CD180: variants seen among roughly 807,000 people sequenced by gnomAD.
CD180 encodes CD180 molecule.
A neutral mutation model predicts 10.7 loss-of-function variants in CD180; 11 were observed. The observed-to-expected ratio is 1.03, with a 90% CI of 0.65 to 1.70. The LOEUF (loss-of-function observed/expected upper bound fraction) is 1.70. Among genes scored for constraint, CD180 ranks in the 40% most tolerant of loss-of-function variants. The probability of loss-of-function intolerance (pLI) is 0.00; values close to 1 mark genes in which losing one functional copy is unlikely to be tolerated. For missense variants in CD180, 729 were observed against 775.2 expected (o/e 0.94, Z 0.71); for synonymous variants, 286 against 294.6 (o/e 0.97, Z 0.30).
rs981113728 is a variant in CD180 at position 67,184,227 on chromosome 5, A to G, written c.616T>C (p.Phe206Leu). The G allele has an allele frequency of 1.2e-6, 2 of 1,614,054 alleles. No individual in the cohort carries two copies. Among genetic ancestry groups the G allele is most frequent in the African/African-American group, 2.7e-5 (2 of 74,938 alleles). ...LEQAINLSLN[F>L]NGNNVKGIEL... is the part of the protein sequence containing the mutation. ...ATACCTTTAACATTATTGCCATTGAAGTTCAGGCTTAGGTTGATGGCCTGC... is the reference window on the plus strand; with the variant it reads ...ATACCTTTAACATTATTGCCATTGAGGTTCAGGCTTAGGTTGATGGCCTGC... The change falls in exon 3 of 3, where the codon TTC becomes CTC. Residue 206 changes from phenylalanine (F) to leucine (L), a missense_variant. By Grantham distance (22) the Phe-to-Leu change is conservative. Coordinates refer to ENST00000256447, the MANE Select transcript of CD180 (RefSeq NM_005582.3).
intron 1 of CD180, among the ~76,000 whole-genome samples, chr5:67,186,572 G>A (rs1346971623): frequency 6.6e-6 from 1 of 152,112 alleles, no homozygotes; most frequent in Non-Finnish European, 1.5e-5. Flanking sequence ...AATGCACTTG[G>A]TTTTACAGTT....
chr5:67,183,000 C>G lies in CD180; in HGVS notation c.1843G>C (p.Gly615Arg), dbSNP rs1211705030. Residue 615 changes from glycine (G) to arginine (R), a missense_variant, in exon 3 of 3, where the codon GGA becomes CGA. By Grantham distance (125) the Gly-to-Arg change is moderately radical. Transcript: ENST00000256447. ...TTCANPPSLR[G>R]VKLSDVKLSC... ...AGCTTGACATCAGATAGCTTAACTCCCCTTAGAGATGGCGGGTTTGCACAC... is the reference window on the plus strand; with the variant it reads ...AGCTTGACATCAGATAGCTTAACTCGCCTTAGAGATGGCGGGTTTGCACAC... 3 of 1,614,042 alleles carry G rather than the reference C, an allele frequency of 1.9e-6. No homozygotes were observed. Among genetic ancestry groups the G allele is most frequent in the East Asian group, 4.5e-5 (2 of 44,898 alleles).
chr5:67,193,689 A>G (rs1296084262), intron 1 of CD180, among the ~76,000 whole-genome samples: 1 of 152,222 alleles, frequency 6.6e-6, no homozygotes, highest in Non-Finnish European at 1.5e-5. Context: ...TTATCCAAAA[A>G]GGAAAGACTT....
At chr5:67,189,019 T>C (rs925304576) in intron 1 of CD180, among the ~76,000 whole-genome samples, 4 of 152,144 alleles carry the variant, frequency 2.6e-5, no homozygotes, top group African/African-American at 7.2e-5. Context: ...CCAGAGAGAA[T>C]ATGTATGTGC....
intron 1 of CD180, among the ~76,000 whole-genome samples, chr5:67,187,054 G>A (rs1166865924): frequency 6.6e-6 from 1 of 152,210 alleles, no homozygotes; most frequent in East Asian, 1.9e-4. Flanking sequence ...AATTTTGAAT[G>A]AGGACAGTAT....
Position 67,184,444 on chromosome 5 carries a change from G to T in CD180, c.399C>A (p.Ile133=), listed in dbSNP as rs1271263599. 6.2e-7 allele frequency: 1 copy of T among 1,613,996 alleles called. No homozygotes were observed. The highest frequency in any genetic ancestry group is 8.5e-7 in the Non-Finnish European group (1 of 1,180,010). ...ACTCGAGATTGGATATTCCCGTTTG[G>T]ATTAAGAAAAGATGCTTCAGTGACT... ...GPKSLKHLFL[I]QTGISNLEFI... The change falls in exon 3 of 3, where the codon ATC becomes ATA. Residue 133 remains isoleucine, a synonymous_variant. Coordinates refer to ENST00000256447, the MANE Select transcript of CD180 (RefSeq NM_005582.3).
intron 1 of CD180, among the ~76,000 whole-genome samples, chr5:67,193,354 A>G (rs1383787632): frequency 6.6e-6 from 1 of 152,208 alleles, no homozygotes; most frequent in East Asian, 1.9e-4. Context: ...CCAAACCCTT[A>G]AGTCAAAAGC....
In CD180 at chr5:67,182,256, G is replaced by A. The variant is rs2151164564; in HGVS notation, c.*601C>T. 1 of 152,336 alleles carries A rather than the reference G, an allele frequency of 6.6e-6. No homozygotes were observed. Among genetic ancestry groups the A allele is most frequent in the South Asian group, 2.1e-4 (1 of 4,824 alleles). 9.4% of individuals were successfully genotyped at this position (152,336 alleles called of 1,614,324 possible). On this transcript the variant is annotated 3_prime_UTR_variant, in exon 3 of 3. Transcript: ENST00000256447. ...GACCTAAGGATTAAGAAGATTAATGGAGTCGATTTGATACCAAGTTTCATT... is the reference window on the plus strand; with the variant it reads ...GACCTAAGGATTAAGAAGATTAATGAAGTCGATTTGATACCAAGTTTCATT...
At chr5:67,190,451 C>T (rs912844462) in intron 1 of CD180, among the ~76,000 whole-genome samples, 2 of 152,360 alleles carry the variant, frequency 1.3e-5, no homozygotes, top group African/African-American at 4.8e-5. Context: ...CTCGGATCTC[C>T]ACATGACCAT....
Position 67,179,939 on chromosome 5 carries a change from G to T in CD180, c.*2918C>A, listed in dbSNP as rs984122402. 6.6e-6 allele frequency: 1 copy of T among 152,208 alleles called. No individual in the cohort carries two copies. Among genetic ancestry groups the T allele is most frequent in the African/African-American group, 2.4e-5 (1 of 41,444 alleles). The allele number at this position is 152,208 out of a possible 1,614,324, so 9.4% of individuals were successfully genotyped here. ...GTGCAATAATAACACATTTTTATAGGAGTAGCTTGTCAGAGCAGCAACAAC... is the reference window on the plus strand; with the variant it reads ...GTGCAATAATAACACATTTTTATAGTAGTAGCTTGTCAGAGCAGCAACAAC... On this transcript the variant is annotated 3_prime_UTR_variant, in exon 3 of 3. Transcript: ENST00000256447.
In CD180 at chr5:67,181,249, G is replaced by C. The variant is rs1419041309; in HGVS notation, c.*1608C>G. 3 of 152,198 alleles carry C rather than the reference G, an allele frequency of 2.0e-5. No homozygotes were observed. Among genetic ancestry groups the C allele is most frequent in the African/African-American group, 7.2e-5 (3 of 41,448 alleles). 9.4% of individuals were successfully genotyped at this position (152,198 alleles called of 1,614,324 possible). ...ATAATAAAACCAGGTGAGGCATAGA[G>C]GTTGCTTTGGATTAGCTAGGTCAGA... On this transcript the variant is annotated 3_prime_UTR_variant, in exon 3 of 3. Coordinates refer to ENST00000256447, the MANE Select transcript of CD180 (RefSeq NM_005582.3).
Position 67,181,527 on chromosome 5 carries a change from T to G in CD180, c.*1330A>C, listed in dbSNP as rs1338050125. 1 of 152,216 alleles carries G rather than the reference T, an allele frequency of 6.6e-6. No individual in the cohort carries two copies. Among genetic ancestry groups the G allele is most frequent in the African/African-American group, 2.4e-5 (1 of 41,452 alleles). The allele number at this position is 152,216 out of a possible 1,614,324, so 9.4% of individuals were successfully genotyped here. A position where few individuals can be genotyped will look rare whatever the true frequency, so the allele number is the denominator to read the frequency against. On this transcript the variant is annotated 3_prime_UTR_variant, in exon 3 of 3. Coordinates refer to ENST00000256447, the MANE Select transcript of CD180 (RefSeq NM_005582.3). The stretch of plus-strand genomic sequence containing the variant: ...ATGTCCCACTAGTATGCCTTCAACT[T>G]AAGGACTAATATATTCTGATTGGTT...
rs1742070985 is a variant in CD180 at position 67,182,616 on chromosome 5, G to T, written c.*241C>A. On this transcript the variant is annotated 3_prime_UTR_variant, in exon 3 of 3. Transcript: ENST00000256447. ...TCCCACTCTTCCACATGCGGAAAGG[G>T]CTCTGTGCCTCTCACAGCAGCATCT... The T allele has an allele frequency of 8.3e-6, 3 of 363,290 alleles. No homozygotes were observed. Among genetic ancestry groups the T allele is most frequent in the South Asian group, 1.0e-4 (2 of 19,658 alleles). The allele number at this position is 363,290 out of a possible 1,614,324, so 22.5% of individuals were successfully genotyped here.
chr5:67,188,479 C>A (rs5744501), intron 1 of CD180, among the ~76,000 whole-genome samples: 20,652 of 152,128 alleles, frequency 0.14, 2,794 homozygotes, highest in African/African-American at 0.33. Context: ...AGTTCATTCA[C>A]CCTTCCAGCC....
At chr5:67,191,453 CA>C (rs1392120735) in intron 1 of CD180, among the ~76,000 whole-genome samples, 2 of 152,092 alleles carry the variant, frequency 1.3e-5, no homozygotes, top group African/African-American at 4.8e-5. Context: ...GAGTTCCTTT[CA>C]AAAAAGAGCT....
chr5:67,195,934 C>A (rs1742393110), intron 1 of CD180, among the ~76,000 whole-genome samples: 1 of 152,100 alleles, frequency 6.6e-6, no homozygotes. Flanking sequence ...AGACGGAGGC[C>A]CTTCTCCTTT....
chr5:67,192,871 C>G (rs1462773977), intron 1 of CD180, among the ~76,000 whole-genome samples: 1 of 152,200 alleles, frequency 6.6e-6, no homozygotes, highest in Admixed American at 6.5e-5. Context: ...CTCTGAGTTT[C>G]TGAAAACCCC....
rs775066264 is a variant in CD180 at position 67,183,680 on chromosome 5, C to A, written c.1163G>T (p.Cys388Phe). Residue 388 changes from cysteine to phenylalanine, a missense_variant, in exon 3 of 3, where the codon TGC (cysteine) becomes TTC (phenylalanine). Cys to Phe is a radical substitution (Grantham distance 205, BLOSUM62 -2). Coordinates refer to ENST00000256447, the MANE Select transcript of CD180 (RefSeq NM_005582.3). ...GGACAGGTTTTTGAGTTGCAGACTGCAGCAGTCAGAAGCCTCTATGTCATT... is the reference window on the plus strand; with the variant it reads ...GGACAGGTTTTTGAGTTGCAGACTGAAGCAGTCAGAAGCCTCTATGTCATT... ...SHNDIEASDC[C>F]SLQLKNLSHL... The A allele has an allele frequency of 6.2e-7, 1 of 1,614,118 alleles. No homozygotes were observed. The highest frequency in any genetic ancestry group is 1.3e-5 in the African/African-American group (1 of 75,042).
At chr5:67,194,422 T>C (rs1221376167) in intron 1 of CD180, among the ~76,000 whole-genome samples, 2 of 152,048 alleles carry the variant, frequency 1.3e-5, no homozygotes, top group Non-Finnish European at 2.9e-5. Flanking sequence ...CCACCCAGAC[T>C]CCTGACTCAC....
Sources: allele counts gnomAD v4.1 joint callset (sites outside exome capture counted in the v4.1 genomes callset), GRCh38; gene constraint gnomAD v4.1.1; transcripts MANE v1.5; gene names NCBI Gene and HGNC (gene_info 2026-07-23, HGNC 2026-07-21).